Variants in CEACAM18 observed in about 807,000 individuals in gnomAD.
The protein encoded by CEACAM18 is cell adhesion molecule CEACAM18.
A neutral mutation model predicts 34.3 loss-of-function variants in CEACAM18; 33 were observed. That is an observed-to-expected ratio of 0.96 (90% CI 0.73 to 1.29). The LOEUF is 1.29. Ranked by LOEUF, CEACAM18 falls within the 50% of genes most tolerant of loss-of-function variation. The probability of loss-of-function intolerance (pLI) is 0.00; values close to 1 mark genes in which losing one functional copy is unlikely to be tolerated. For synonymous variants in CEACAM18, 169 were observed against 180.9 expected (o/e 0.93, Z 0.53); for missense variants, 474 against 485.0 (o/e 0.98, Z 0.21).
intron 2 of CEACAM18, 47 bp from the exon 3 acceptor site, chr19:51,481,346 G>A: frequency 6.3e-7 from 1 of 1,584,532 alleles, no homozygotes; most frequent in Middle Eastern, 2.1e-4. Flanking sequence ...AGAGCTTGGG[G>A]AAGCAGACCC....
At chr19:51,490,893 C>A in exon 6 of CEACAM18, 1 of 358,504 alleles carries the variant, frequency 2.8e-6, no homozygotes, top group Non-Finnish European at 5.0e-6. Flanking sequence ...GGTTGCAGGT[C>A]GGGGCGGGCC....
chr19:51,490,087 G>C (rs1990066354), intron 5 of CEACAM18, among the ~76,000 whole-genome samples: 1 of 152,134 alleles, frequency 6.6e-6, no homozygotes, highest in Admixed American at 6.5e-5. Context: ...TGGGAATATT[G>C]GCCTCTGTTA....
upstream of CEACAM18, chr19:51,478,612 AC>A: frequency 1.3e-6 from 2 of 1,569,088 alleles, no homozygotes. Context: ...CTCTGGAGGG[AC>A]CCCTCCTCCT....
At chr19:51,489,275 G>A (rs754062301) in intron 5 of CEACAM18, among the ~76,000 whole-genome samples, 11 of 151,178 alleles carry the variant, frequency 7.3e-5, no homozygotes, top group Non-Finnish European at 1.6e-4. Flanking sequence ...CCAAGCTCCT[G>A]GCTTTATTCT....
intron 5 of CEACAM18, among the ~76,000 whole-genome samples, chr19:51,486,000 A>G (rs1993461): frequency 0.2 from 30,150 of 152,152 alleles, 3,135 homozygotes; most frequent in Middle Eastern, 0.36. Context: ...TGGGAGGATG[A>G]TGACGTTAAT....
At chr19:51,483,195 G>C in exon 4 of CEACAM18, 1 of 1,613,934 alleles carries the variant, frequency 6.2e-7, no homozygotes, top group Non-Finnish European at 8.5e-7. Flanking sequence ...TGAACCTCTC[G>C]AGTCTTGCCT....
intron 5 of CEACAM18, among the ~76,000 whole-genome samples, chr19:51,485,802 T>C (rs1374945525): frequency 6.6e-6 from 1 of 152,234 alleles, no homozygotes; most frequent in Non-Finnish European, 1.5e-5. Flanking sequence ...GTAGTAAGGC[T>C]GTCCTGTGCA....
At chr19:51,482,422 A>G (rs1387365524) in intron 3 of CEACAM18, among the ~76,000 whole-genome samples, 1 of 152,126 alleles carries the variant, frequency 6.6e-6, no homozygotes, top group Non-Finnish European at 1.5e-5. Context: ...GGTCTGTCAG[A>G]TTTCCTAAAG....
exon 2 of CEACAM18, chr19:51,480,490 A>T: frequency 6.2e-7 from 1 of 1,613,964 alleles, no homozygotes; most frequent in Non-Finnish European, 8.5e-7. Flanking sequence ...ACAGCGCAGG[A>T]AACATGATTA....
At chr19:51,482,928 G>A in intron 3 of CEACAM18, 89 bp from the exon 4 acceptor site, 2 of 1,510,808 alleles carry the variant, frequency 1.3e-6, no homozygotes, top group East Asian at 2.3e-5. Context: ...GGTGCACAAT[G>A]GGGAACCTCC....
intron 3 of CEACAM18, 32 bp downstream of exon 3, chr19:51,481,697 A>AGG (rs1568523666): frequency 6.3e-7 from 1 of 1,592,266 alleles, no homozygotes; most frequent in South Asian, 1.1e-5. Context: ...GACTGAAGCC[A>AGG]GGGCTGGTCT....
At chr19:51,483,442 T>C in intron 4 of CEACAM18, 146 bp downstream of exon 4, 1 of 997,128 alleles carries the variant, frequency 1.0e-6, no homozygotes, top group Non-Finnish European at 1.5e-6. Flanking sequence ...TTCTCTGAGG[T>C]CTGGGTCCAA....
At chr19:51,482,964 G>A (rs375577332) in intron 3 of CEACAM18, 53 bp from the exon 4 acceptor site, 386 of 1,585,660 alleles carry the variant, frequency 2.4e-4, no homozygotes, top group Non-Finnish European at 3.1e-4. Flanking sequence ...TTCATGAGAC[G>A]GGACGCCGAG....
chr19:51,484,229 C>T (rs886356163), intron 4 of CEACAM18, among the ~76,000 whole-genome samples: 1 of 152,138 alleles, frequency 6.6e-6, no homozygotes, highest in Admixed American at 6.5e-5. Context: ...GCACCAGACA[C>T]GATGTGTGCA....
chr19:51,481,277 T>A, intron 2 of CEACAM18, 116 bp from the exon 3 acceptor site: 1 of 1,131,954 alleles, frequency 8.8e-7, no homozygotes. Flanking sequence ...GGATGCCAGA[T>A]CTTATCTTAC....
At chr19:51,481,559 C>T (rs201866900) in exon 3 of CEACAM18, 146 of 1,613,976 alleles carry the variant, frequency 9.0e-5, no homozygotes, top group Admixed American at 1.8e-4. Flanking sequence ...ACGGCAAGAC[C>T]CTCGTCATCC....
intron 1 of CEACAM18, among the ~76,000 whole-genome samples, chr19:51,479,837 C>A (rs1033985648): frequency 1.3e-5 from 2 of 152,176 alleles, no homozygotes; most frequent in Non-Finnish European, 2.9e-5. Flanking sequence ...GCAGTCATGT[C>A]TTCTGATAAA....
chr19:51,488,610 A>G (rs113529891), intron 5 of CEACAM18, among the ~76,000 whole-genome samples: 5 of 152,246 alleles, frequency 3.3e-5, no homozygotes, highest in South Asian at 2.1e-4. Flanking sequence ...GTCTCAAGAC[A>G]AAAGGTCTCA....
chr19:51,488,338 A>G (rs1226680042), intron 5 of CEACAM18, among the ~76,000 whole-genome samples: 5 of 152,192 alleles, frequency 3.3e-5, no homozygotes, highest in Non-Finnish European at 7.3e-5. Flanking sequence ...GTTCCAAGGT[A>G]TTTACTAGTA....
Sources: gnomAD v4.1 joint callset for allele counts (sites outside exome capture counted in the v4.1 genomes callset) on GRCh38, gnomAD v4.1.1 for gene constraint, MANE v1.5 for transcripts, NCBI Gene and HGNC (gene_info 2026-07-23, HGNC 2026-07-21) for gene names.